Variants in ASTN2 observed in about 807,000 individuals in gnomAD.
The protein encoded by ASTN2 is astrotactin-2.
Under a neutral mutation model 139.8 loss-of-function variants are expected in ASTN2, and 54 were observed. That is an observed-to-expected ratio of 0.39 (90% CI 0.31 to 0.48). The LOEUF (loss-of-function observed/expected upper bound fraction) is 0.48, where lower values mean the gene tolerates loss of function less well. Among genes scored for constraint, ASTN2 ranks in the 20% least tolerant of loss-of-function variants. The pLI is 0.95. For missense variants in ASTN2, 1,565 were observed against 1,725.1 expected (o/e 0.91, Z 1.64); for synonymous variants, 756 against 719.5 (o/e 1.05, Z -0.81).
chr9:117,094,001 A>G (rs915608082), intron 5 of ASTN2, among the ~76,000 whole-genome samples: 1 of 152,100 alleles, frequency 6.6e-6, no homozygotes, highest in Non-Finnish European at 1.5e-5. Context: ...CAAGAGCAGG[A>G]ATTTTAAATT....
intron 4 of ASTN2, among the ~76,000 whole-genome samples, chr9:117,120,467 C>G (rs1371728610): frequency 6.6e-6 from 1 of 152,072 alleles, no homozygotes; most frequent in South Asian, 2.1e-4. Context: ...AATCATACAC[C>G]AGAGGAAGAG....
chr9:117,300,730 G>A (rs940382572), intron 1 of ASTN2, among the ~76,000 whole-genome samples: 2 of 152,204 alleles, frequency 1.3e-5, no homozygotes, highest in African/African-American at 4.8e-5. Context: ...GTCACCCGTG[G>A]GGACAGAAGG....
At position 117,415,042 on chromosome 9, in the gene ASTN2, G is replaced by A. The variant is rs1831293691; in HGVS notation, c.-104C>T. On this transcript the variant is annotated 5_prime_UTR_variant, in exon 1 of 23. Coordinates refer to ENST00000313400, the MANE Select transcript of ASTN2 (RefSeq NM_001365068.1). ...GACGGCGGACGCCGAAGCGAACCAG[G>A]ACGCCCGAGCTAAGGAGCGGAGAGA... 1 of 175,514 alleles carries A rather than the reference G, an allele frequency of 5.7e-6. No homozygotes were observed. Among genetic ancestry groups the A allele is most frequent in the Non-Finnish European group, 1.2e-5 (1 of 84,578 alleles). The allele number at this position is 175,514 out of a possible 1,614,324, so 10.9% of individuals were successfully genotyped here.
chr9:116,515,691 AAAGGCC>A (rs1850618384), intron 19 of ASTN2, among the ~76,000 whole-genome samples: 1 of 152,216 alleles, frequency 6.6e-6, no homozygotes, highest in African/African-American at 2.4e-5. Context: ...ACTAGCAGCC[AAAGGCC>A]ACCTGACTCC....
intron 16 of ASTN2, among the ~76,000 whole-genome samples, chr9:116,706,081 C>G (rs1181771231): frequency 1.3e-5 from 2 of 152,022 alleles, no homozygotes; most frequent in Non-Finnish European, 2.9e-5. Flanking sequence ...GAATCAGAAT[C>G]TCCTTAGAGT....
chr9:116,623,126 T>A (rs995127353), intron 17 of ASTN2, among the ~76,000 whole-genome samples: 2 of 143,870 alleles, frequency 1.4e-5, no homozygotes, highest in African/African-American at 5.1e-5. Flanking sequence ...ACCCCAGCAA[T>A]GGGAAGAGAG....
At chr9:116,883,734 T>C (rs1833516528) in intron 10 of ASTN2, among the ~76,000 whole-genome samples, 1 of 152,210 alleles carries the variant, frequency 6.6e-6, no homozygotes, top group African/African-American at 2.4e-5. Context: ...AGGTAGCCCA[T>C]GAAGGTAGGC....
intron 17 of ASTN2, among the ~76,000 whole-genome samples, chr9:116,631,097 A>C (rs772104029): frequency 8.5e-5 from 13 of 152,196 alleles, no homozygotes; most frequent in East Asian, 1.9e-4. Context: ...ACTCTTACAC[A>C]CTGTTGGTGG....
chr9:116,607,670 AAC>A (rs57512218), intron 19 of ASTN2, among the ~76,000 whole-genome samples: 8,587 of 135,968 alleles, frequency 0.063, 256 homozygotes, highest in East Asian at 0.11. Flanking sequence ...TTAAGAAATT[AAC>A]ACACACACAC....
intron 2 of ASTN2, among the ~76,000 whole-genome samples, chr9:117,273,610 A>C (rs529381351): frequency 1.3e-5 from 2 of 152,370 alleles, no homozygotes; most frequent in Admixed American, 1.3e-4. Context: ...GGGGCCATGC[A>C]CATGAGCACA....
intron 16 of ASTN2, among the ~76,000 whole-genome samples, chr9:116,678,193 G>A (rs1859622433): frequency 6.6e-6 from 1 of 152,152 alleles, no homozygotes; most frequent in Non-Finnish European, 1.5e-5. Context: ...AGGTCCAACT[G>A]TTTCCTTGAC....
intron 16 of ASTN2, among the ~76,000 whole-genome samples, chr9:116,660,299 C>T (rs1858486364): frequency 6.6e-6 from 1 of 152,048 alleles, no homozygotes; most frequent in African/African-American, 2.4e-5. Context: ...GATTTCCTAA[C>T]CTAAGTGAAT....
intron 19 of ASTN2, among the ~76,000 whole-genome samples, chr9:116,614,918 C>T (rs572628850): frequency 8.5e-5 from 13 of 152,198 alleles, no homozygotes; most frequent in African/African-American, 3.1e-4. Flanking sequence ...AAAGAAACTA[C>T]CAGCAGAGTG....
chr9:116,658,367 C>T (rs2131948951), intron 16 of ASTN2, among the ~76,000 whole-genome samples: 1 of 152,188 alleles, frequency 6.6e-6, no homozygotes, highest in Middle Eastern at 3.4e-3. Flanking sequence ...CAGAGGTTGC[C>T]CAGTGAAAAA....
intron 13 of ASTN2, among the ~76,000 whole-genome samples, chr9:116,753,243 G>A (rs1433341958): frequency 6.6e-6 from 1 of 152,178 alleles, no homozygotes; most frequent in Non-Finnish European, 1.5e-5. Context: ...CAGGAAAGGA[G>A]CCAGTCTAAA....
rs148792299 is a variant in ASTN2 at position 117,289,004 on chromosome 9, G to C, written c.630+2322C>G. ...TATAAATGACAAAAACAAGACAAAG[G>C]GCTCATACCCGAGTTCAGTGTCAGA... On this transcript the variant is annotated intron_variant, in intron 2 of 22. Coordinates refer to ENST00000313400, the MANE Select transcript of ASTN2 (RefSeq NM_001365068.1). Among the ~76,000 whole-genome samples, 71 of 152,222 alleles carry C rather than the reference G, an allele frequency of 4.7e-4. No individual in the cohort carries two copies. The Middle Eastern group carries it at 0.01, about 22-fold the overall frequency.
chr9:117,060,224 T>C (rs572459947), intron 5 of ASTN2, among the ~76,000 whole-genome samples: 1 of 150,992 alleles, frequency 6.6e-6, no homozygotes, highest in Non-Finnish European at 1.5e-5. Flanking sequence ...GGCACAAGAA[T>C]TGCTTGAACC....
chr9:117,107,361 A>G (rs143042978), intron 4 of ASTN2, among the ~76,000 whole-genome samples: 50 of 152,286 alleles, frequency 3.3e-4, no homozygotes, highest in African/African-American at 1.1e-3. Context: ...GGGTTTCGAC[A>G]TAGTTAAGGT....
At chr9:116,525,861 A>G (rs910012935) in intron 19 of ASTN2, among the ~76,000 whole-genome samples, 8 of 152,162 alleles carry the variant, frequency 5.3e-5, no homozygotes, top group Non-Finnish European at 7.4e-5. Context: ...CCCACTCACC[A>G]TTCCAGACCC....
Sources: allele counts gnomAD v4.1 joint callset (sites outside exome capture counted in the v4.1 genomes callset), GRCh38; gene constraint gnomAD v4.1.1; transcripts MANE v1.5; gene names NCBI Gene and HGNC (gene_info 2026-07-23, HGNC 2026-07-21).